NEDD4: variants seen among roughly 807,000 people sequenced by gnomAD.
NEDD4 encodes E3 ubiquitin-protein ligase NEDD4.
In NEDD4, 99 loss-of-function variants were observed where a neutral mutation model predicts 144.9. The ratio of observed to expected loss-of-function variants is 0.68; its 90% CI spans 0.58 to 0.81. The LOEUF is 0.81. Among genes scored for constraint, NEDD4 ranks in the 30% least tolerant of loss-of-function variants. The probability of loss-of-function intolerance (pLI) is 0.00; values close to 1 mark genes in which losing one functional copy is unlikely to be tolerated. For missense variants in NEDD4, 985 were observed against 1,065.9 expected (o/e 0.92, Z 1.06); for synonymous variants, 318 against 350.6 (o/e 0.91, Z 1.04).
At chr15:55,945,530 A>G (rs1344814282) in intron 4 of NEDD4, among the ~76,000 whole-genome samples, 5 of 151,744 alleles carry the variant, frequency 3.3e-5, no homozygotes, top group African/African-American at 9.7e-5. Flanking sequence ...GACCAACTCT[A>G]TGTTTGGTGT....
chr15:55,962,767 G>A (rs956999639), intron 2 of NEDD4, among the ~76,000 whole-genome samples: 6 of 151,618 alleles, frequency 4.0e-5, no homozygotes, highest in East Asian at 3.9e-4. Context: ...TTGTTCATTT[G>A]TTCCTCCTTT....
At chr15:55,846,893 A>T (rs2033769552) in intron 18 of NEDD4, 76 bp downstream of exon 18, 1 of 931,994 alleles carries the variant, frequency 1.1e-6, no homozygotes, top group Admixed American at 2.2e-5. Flanking sequence ...ACAAATTATT[A>T]CTGTAAAAAA....
rs1305363067 is a variant in NEDD4 at position 55,834,313 on chromosome 15, T to A, written c.2263-27A>T. On this transcript the variant is annotated intron_variant, in intron 24 of 28. Coordinates refer to ENST00000435532, the MANE Select transcript of NEDD4 (RefSeq NM_006154.4). ...TAGAAAAAAGATGTATTTAAAAACT[T>A]GATGGGCAGGGCCAATGGCCTTTCC... The A allele has an allele frequency of 2.0e-6, 3 of 1,498,664 alleles. 1 individual carries two copies. The South Asian group carries it at 3.4e-5, about 17-fold the overall frequency. 92.8% of individuals were successfully genotyped at this position (1,498,664 alleles called of 1,614,324 possible).
chr15:55,930,700 T>C (rs1199469617), intron 4 of NEDD4, among the ~76,000 whole-genome samples: 1 of 152,214 alleles, frequency 6.6e-6, no homozygotes, highest in Non-Finnish European at 1.5e-5. Context: ...GATAATTGAA[T>C]CATGGGGGTA....
intron 4 of NEDD4, among the ~76,000 whole-genome samples, chr15:55,946,559 G>T: frequency 6.6e-6 from 1 of 152,136 alleles, no homozygotes. Context: ...ATAATAACGG[G>T]AGACTTTAAC....
rs1003891573 is a variant in NEDD4, at chr15:55,902,793, A to T, written c.291+21853T>A. Reference sequence around the variant, plus strand: ...GTTAATCAATAAAAGTAATCAGAAAAAAACAAAGTAATTATAAATCACAAG... The same window carrying T: ...GTTAATCAATAAAAGTAATCAGAAATAAACAAAGTAATTATAAATCACAAG... On this transcript the variant is annotated intron_variant, in intron 5 of 28. Coordinates refer to ENST00000435532, the MANE Select transcript of NEDD4 (RefSeq NM_006154.4). 4.6e-5 allele frequency among the ~76,000 whole-genome samples: 7 copies of T among 152,316 alleles called. No individual in the cohort carries two copies. In the South Asian group the frequency reaches 1.5e-3, roughly 32 times the overall value.
chr15:55,961,147 G>A (rs1408999550), intron 2 of NEDD4, among the ~76,000 whole-genome samples: 2 of 152,212 alleles, frequency 1.3e-5, no homozygotes, highest in African/African-American at 4.8e-5. Flanking sequence ...TTTGCTGTGA[G>A]AGGGACATCT....
At chr15:55,877,861 T>C (rs914630177) in intron 5 of NEDD4, among the ~76,000 whole-genome samples, 13 of 152,176 alleles carry the variant, frequency 8.5e-5, no homozygotes, top group African/African-American at 2.9e-4. Flanking sequence ...TTTACTCAAA[T>C]TGTCCCAGAT....
At chr15:55,983,296 G>C (rs2037833872) in intron 1 of NEDD4, among the ~76,000 whole-genome samples, 1 of 146,828 alleles carries the variant, frequency 6.8e-6, no homozygotes, top group Admixed American at 6.8e-5. Context: ...GTGTGTGTGT[G>C]TGTGCGTGCG....
At chr15:55,839,951 G>A (rs561425202) in intron 21 of NEDD4, among the ~76,000 whole-genome samples, 1 of 109,810 alleles carries the variant, frequency 9.1e-6, no homozygotes, top group East Asian at 3.0e-4. Context: ...CTCCAGCTTG[G>A]CAACAGAGTG....
At chr15:55,974,887 C>CTTTTTTTT (rs2037672792) in intron 1 of NEDD4, among the ~76,000 whole-genome samples, 2 of 72,166 alleles carry the variant, frequency 2.8e-5, no homozygotes, top group Non-Finnish European at 5.5e-5. Flanking sequence ...ATTTCTTTTC[C>CTTTTTTTT]TTTCTTTTTT....
chr15:55,828,396 C>A lies in NEDD4; in HGVS notation c.*1501G>T, dbSNP rs1283160359. On this transcript the variant is annotated 3_prime_UTR_variant, in exon 29 of 29. Transcript: ENST00000435532. The stretch of plus-strand genomic sequence containing the variant: ...GGTTTAATCTTTTTAAGAGCATTTT[C>A]TATATAATCATTCCAATATAAGGAT... The A allele has an allele frequency of 1.3e-5, 2 of 152,142 alleles. No individual in the cohort carries two copies. Among genetic ancestry groups the A allele is most frequent in the Non-Finnish European group, 2.9e-5 (2 of 68,030 alleles). The allele number at this position is 152,142 out of a possible 1,614,324, so 9.4% of individuals were successfully genotyped here. A position where few individuals can be genotyped will look rare whatever the true frequency, so the allele number is the denominator to read the frequency against.
chr15:55,846,222 C>G (rs1386408624), intron 18 of NEDD4, among the ~76,000 whole-genome samples: 3 of 151,292 alleles, frequency 2.0e-5, no homozygotes, highest in African/African-American at 7.3e-5. Flanking sequence ...TGAGGTGGCC[C>G]ACCCACCATC....
chr15:55,961,957 GT>G (rs1452174968), intron 2 of NEDD4, among the ~76,000 whole-genome samples: 1 of 152,088 alleles, frequency 6.6e-6, no homozygotes. Context: ...TTATTTAGTT[GT>G]TTTATCAACT....
intron 15 of NEDD4, 56 bp from the exon 16 acceptor site, chr15:55,848,631 A>G: frequency 6.8e-7 from 1 of 1,467,788 alleles, no homozygotes; most frequent in Non-Finnish European, 9.5e-7. Context: ...ATGAATGGAT[A>G]GAAAAATAGC....
chr15:55,835,323 G>A (rs2033141907), intron 24 of NEDD4, among the ~76,000 whole-genome samples: 4 of 151,532 alleles, frequency 2.6e-5, no homozygotes. Flanking sequence ...AGTATGATAT[G>A]ATTAAAACCA....
chr15:55,877,056 CGA>C (rs1264931586), intron 5 of NEDD4, among the ~76,000 whole-genome samples: 2 of 151,846 alleles, frequency 1.3e-5, no homozygotes, highest in Non-Finnish European at 2.9e-5. Context: ...AAAAATACTG[CGA>C]GAGAATCCTC....
At chr15:55,922,960 T>C (rs1281831149) in intron 5 of NEDD4, among the ~76,000 whole-genome samples, 1 of 152,072 alleles carries the variant, frequency 6.6e-6, no homozygotes, top group Non-Finnish European at 1.5e-5. Context: ...CAATACAAAG[T>C]TTAATTTGTT....
At chr15:55,885,420 T>C (rs1460329063) in intron 5 of NEDD4, among the ~76,000 whole-genome samples, 3 of 152,150 alleles carry the variant, frequency 2.0e-5, no homozygotes, top group Admixed American at 6.6e-5. Context: ...AATACTGTAA[T>C]TGTGGTGTGC....
Sources: allele counts gnomAD v4.1 joint callset (sites outside exome capture counted in the v4.1 genomes callset), GRCh38; gene constraint gnomAD v4.1.1; transcripts MANE v1.5; gene names NCBI Gene and HGNC (gene_info 2026-07-23, HGNC 2026-07-21).